The following CACNA2D3 variants were observed in gnomAD, a reference collection of about 807,000 sequenced individuals.
CACNA2D3 encodes the protein voltage-dependent calcium channel subunit alpha-2/delta-3.
A neutral mutation model predicts 160.6 loss-of-function variants in CACNA2D3; 60 were observed. The observed-to-expected ratio is 0.37, with a 90% confidence interval of 0.30 to 0.46. The LOEUF is 0.46. Ranked by LOEUF, CACNA2D3 falls within the 20% of genes least tolerant of loss-of-function variation. The pLI is 1.00. For missense variants in CACNA2D3, 1,205 were observed against 1,365.0 expected (o/e 0.88, Z 1.85); for synonymous variants, 558 against 492.9 (o/e 1.13, Z -1.75).
chr3:54,318,320 A>C (rs1703914307), intron 2 of CACNA2D3, among the ~76,000 whole-genome samples: 1 of 152,182 alleles, frequency 6.6e-6, no homozygotes, highest in African/African-American at 2.4e-5. Context: ...GATTGAAGGA[A>C]TAAATGGTTT....
chr3:54,601,088 C>T (rs555840221), intron 9 of CACNA2D3, among the ~76,000 whole-genome samples: 4 of 152,222 alleles, frequency 2.6e-5, no homozygotes, highest in African/African-American at 9.6e-5. Context: ...GAGACTTGGT[C>T]GACATTTGAC....
In CACNA2D3 at chr3:54,789,000, C is replaced by T. The variant is rs570082781; in HGVS notation, c.1380+24649C>T. On this transcript the variant is annotated intron_variant, in intron 13 of 37. Coordinates refer to ENST00000474759, the MANE Select transcript of CACNA2D3 (RefSeq NM_018398.3). The stretch of plus-strand genomic sequence containing the variant: ...CTGGGTTCATGCATTGTTGATTGAG[C>T]GGCCAAAAATAATGATAAAAATTAC... Among the ~76,000 whole-genome samples the T allele has an allele frequency of 3.0e-4, 45 of 152,088 alleles. 1 individual carries two copies. The highest frequency in any genetic ancestry group is 4.2e-4 in the South Asian group (2 of 4,798).
At chr3:54,848,044 G>T (rs562384806) in intron 17 of CACNA2D3, among the ~76,000 whole-genome samples, 1 of 152,196 alleles carries the variant, frequency 6.6e-6, no homozygotes, top group East Asian at 1.9e-4. Context: ...CACCAAGGTA[G>T]CATCTTTCTC....
intron 13 of CACNA2D3, among the ~76,000 whole-genome samples, chr3:54,813,502 A>G (rs1703377996): frequency 6.6e-6 from 1 of 152,044 alleles, no homozygotes; most frequent in South Asian, 2.1e-4. Context: ...TAGCAGATAT[A>G]TTTTTCTCTT....
chr3:54,311,755 C>G (rs1477216447), intron 2 of CACNA2D3, among the ~76,000 whole-genome samples: 5 of 152,196 alleles, frequency 3.3e-5, no homozygotes, highest in Non-Finnish European at 7.3e-5. Flanking sequence ...ATGTGTTTGT[C>G]AACACATTCC....
At chr3:54,683,956 T>A (rs1700401511) in intron 11 of CACNA2D3, among the ~76,000 whole-genome samples, 1 of 133,622 alleles carries the variant, frequency 7.5e-6, no homozygotes, top group African/African-American at 2.7e-5. Context: ...GTGCCCAAAT[T>A]TCCACCTTTT....
chr3:54,809,883 A>G (rs1703254261), intron 13 of CACNA2D3, among the ~76,000 whole-genome samples: 1 of 152,206 alleles, frequency 6.6e-6, no homozygotes, highest in Non-Finnish European at 1.5e-5. Flanking sequence ...TGAATAAGAT[A>G]GATACAGTCC....
In CACNA2D3 at chr3:54,691,584, G is replaced by A. The variant is rs147710834; in HGVS notation, c.1167+49343G>A. Among the ~76,000 whole-genome samples the A allele has an allele frequency of 4.7e-3, 712 of 152,284 alleles. 7 individuals carry two copies. The highest frequency in any genetic ancestry group is 0.016 in the African/African-American group (659 of 41,552). On this transcript the variant is annotated intron_variant, in intron 11 of 37. Coordinates refer to ENST00000474759, the MANE Select transcript of CACNA2D3 (RefSeq NM_018398.3). Reference sequence around the variant, plus strand: ...AAAAGGTGCCGAAAGTATATTGCCAGCAGACAGCTTAGAAAGAAAAGTAAT... The same window carrying A: ...AAAAGGTGCCGAAAGTATATTGCCAACAGACAGCTTAGAAAGAAAAGTAAT...
intron 2 of CACNA2D3, among the ~76,000 whole-genome samples, chr3:54,161,855 C>T (rs1700350903): frequency 6.6e-6 from 1 of 152,200 alleles, no homozygotes; most frequent in African/African-American, 2.4e-5. Flanking sequence ...TGACACAAAA[C>T]AGCGATGATT....
intron 11 of CACNA2D3, among the ~76,000 whole-genome samples, chr3:54,720,372 T>C (rs1696200488): frequency 6.6e-6 from 1 of 152,140 alleles, no homozygotes; most frequent in South Asian, 2.1e-4. Flanking sequence ...ATTTAAAGTG[T>C]ATTATTTAAT....
At chr3:54,706,316 C>T (rs1465487215) in intron 11 of CACNA2D3, among the ~76,000 whole-genome samples, 1 of 152,220 alleles carries the variant, frequency 6.6e-6, no homozygotes, top group African/African-American at 2.4e-5. Context: ...TTTATCCCAA[C>T]ATTTTCTTCC....
intron 11 of CACNA2D3, among the ~76,000 whole-genome samples, chr3:54,707,874 G>C (rs748851866): frequency 1.7e-4 from 26 of 152,288 alleles, no homozygotes; most frequent in Non-Finnish European, 3.2e-4. Context: ...AGAAGGAGCT[G>C]TTTATCTGAT....
chr3:54,928,106 G>GTC, intron 27 of CACNA2D3: 1 of 571,720 alleles, frequency 1.7e-6, no homozygotes, highest in Admixed American at 3.0e-5. Flanking sequence ...CCTTCCCCTT[G>GTC]TCTCCATCTG....
intron 3 of CACNA2D3, chr3:54,385,757 C>T (rs1223779491): frequency 1.1e-5 from 4 of 353,830 alleles, no homozygotes; most frequent in East Asian, 9.1e-5. Context: ...ATTTTTCACA[C>T]GTGGCCTATT....
chr3:54,417,003 G>A (rs535133752), intron 4 of CACNA2D3, among the ~76,000 whole-genome samples: 35 of 152,282 alleles, frequency 2.3e-4, no homozygotes, highest in Non-Finnish European at 4.7e-4. Context: ...TATAGACATG[G>A]TATGTCTTTG....
intron 13 of CACNA2D3, among the ~76,000 whole-genome samples, chr3:54,764,812 A>G (rs554660458): frequency 6.6e-6 from 1 of 152,274 alleles, no homozygotes; most frequent in Non-Finnish European, 1.5e-5. Context: ...TCCCATGCAT[A>G]AGTGAGAATA....
chr3:54,487,494 CAT>C (rs1701033914), intron 4 of CACNA2D3, among the ~76,000 whole-genome samples: 2 of 152,202 alleles, frequency 1.3e-5, no homozygotes, highest in African/African-American at 4.8e-5. Flanking sequence ...CTCTTGGATC[CAT>C]ATTATGAGGA....
At chr3:54,967,607 G>T in intron 27 of CACNA2D3, among the ~76,000 whole-genome samples, 1 of 152,262 alleles carries the variant, frequency 6.6e-6, no homozygotes, top group African/African-American at 2.4e-5. Flanking sequence ...ATTCCCTGTA[G>T]TCTCATTCTT....
At chr3:54,642,884 G>A (rs1157742460) in intron 11 of CACNA2D3, among the ~76,000 whole-genome samples, 1 of 152,136 alleles carries the variant, frequency 6.6e-6, no homozygotes, top group Admixed American at 6.5e-5. Flanking sequence ...TCCCTGGGGA[G>A]ATCTTTAAAA....
Sources: gnomAD v4.1 joint callset for allele counts (sites outside exome capture counted in the v4.1 genomes callset) on GRCh38, gnomAD v4.1.1 for gene constraint, MANE v1.5 for transcripts, NCBI Gene and HGNC (gene_info 2026-07-23, HGNC 2026-07-21) for gene names.